DCLRE1C: variants seen among roughly 807,000 people sequenced by gnomAD.
The protein encoded by DCLRE1C is protein artemis.
A neutral mutation model predicts 61.4 loss-of-function variants in DCLRE1C; 47 were observed. That is an observed-to-expected ratio of 0.77 (90% CI 0.61 to 0.98). DCLRE1C has a LOEUF of 0.98. Among genes scored for constraint, DCLRE1C ranks in the 50% least tolerant of loss-of-function variants. The pLI, the probability that DCLRE1C is intolerant of heterozygous loss-of-function variation, is 0.00. For missense variants in DCLRE1C, 858 were observed against 816.0 expected, an observed-to-expected ratio of 1.05 and a Z score of -0.63; for synonymous variants, 337 against 287.6, an observed-to-expected ratio of 1.17 and a Z score of -1.74.
chr10:14,911,974 C>T (rs1442242693), intron 13 of DCLRE1C, among the ~76,000 whole-genome samples: 2 of 152,108 alleles, frequency 1.3e-5, no homozygotes, highest in Admixed American at 1.3e-4. Context: ...TTACATATTG[C>T]CGGAGAGAAT....
chr10:14,940,951 C>T (rs1377518120), intron 3 of DCLRE1C, among the ~76,000 whole-genome samples: 1 of 152,240 alleles, frequency 6.6e-6, no homozygotes, highest in Non-Finnish European at 1.5e-5. Context: ...GGCACGATCT[C>T]AGCTTGCTGC....
downstream of DCLRE1C, chr10:14,901,315 A>T: frequency 6.2e-7 from 1 of 1,607,822 alleles, no homozygotes; most frequent in Non-Finnish European, 8.5e-7. Context: ...TGAAGAATCA[A>T]ATCAGACTAG....
rs1213342454 is a variant in DCLRE1C, at chr10:14,905,795, A to G, written c.*2613T>C. On this transcript the variant is annotated 3_prime_UTR_variant, in exon 14 of 14. Transcript: ENST00000378278. ...AGGTCAGGAGTTCAAGACCAGTCTG[A>G]CCAATATGGTGAAACCCTGTCTCTA... Among the ~76,000 whole-genome samples the G allele has an allele frequency of 6.6e-6, 1 of 152,056 alleles. No homozygotes were observed. Among genetic ancestry groups the G allele is most frequent in the Non-Finnish European group, 1.5e-5 (1 of 68,004 alleles).
At chr10:14,925,225 TA>T (rs67477083) in intron 11 of DCLRE1C, among the ~76,000 whole-genome samples, 2,573 of 109,236 alleles carry the variant, frequency 0.024, 67 homozygotes, top group African/African-American at 0.082. Context: ...ATAAAGGATT[TA>T]AAAAAAAAAA....
chr10:14,954,225 C>T (rs1429400222), upstream of DCLRE1C: 1 of 706,004 alleles, frequency 1.4e-6, no homozygotes, highest in East Asian at 2.7e-5. Flanking sequence ...AAATCACCCG[C>T]GCTTCGCTGC....
chr10:14,928,660 C>T (rs559148588), intron 9 of DCLRE1C, among the ~76,000 whole-genome samples: 1 of 152,140 alleles, frequency 6.6e-6, no homozygotes, highest in Non-Finnish European at 1.5e-5. Context: ...TTTGGGGTGA[C>T]GTACCATGGA....
intron 9 of DCLRE1C, among the ~76,000 whole-genome samples, chr10:14,929,361 G>A (rs1334940174): frequency 2.6e-5 from 4 of 151,338 alleles, no homozygotes; most frequent in East Asian, 3.9e-4. Flanking sequence ...CCCAGATTGC[G>A]CCACTGCACT....
chr10:14,937,823 G>A (rs1304948835), intron 4 of DCLRE1C, among the ~76,000 whole-genome samples: 4 of 151,286 alleles, frequency 2.6e-5, no homozygotes, highest in Admixed American at 2.0e-4. Flanking sequence ...GAAACCAGGA[G>A]GTAGAGGTTG....
chr10:14,908,674 A>C lies in DCLRE1C; in HGVS notation c.1813T>G (p.Leu605Val), dbSNP rs1431035504. 2 of 1,614,038 alleles carry C rather than the reference A, an allele frequency of 1.2e-6. No homozygotes were observed. Among genetic ancestry groups the C allele is most frequent in the East Asian group, 2.2e-5 (1 of 44,880 alleles). Residue 605 changes from leucine (L) to valine (V), a missense_variant, in exon 14 of 14, where the codon TTG becomes GTG. Transcript: ENST00000378278. ...VICPKDTYSD[L>V]KSRDKDVTIV... ...GTCACATCTTTATCTCTGCTTTTCA[A>C]ATCAGAGTAAGTATCCTTTGGGCAA... is the stretch of plus-strand genomic sequence containing the variant.
chr10:14,909,734 G>C (rs1834933660), intron 13 of DCLRE1C, among the ~76,000 whole-genome samples: 1 of 152,176 alleles, frequency 6.6e-6, no homozygotes, highest in African/African-American at 2.4e-5. Context: ...TGCAAAGCCT[G>C]TGTGCTCTGC....
chr10:14,950,930 G>A (rs1367007902), intron 1 of DCLRE1C, among the ~76,000 whole-genome samples: 1 of 152,170 alleles, frequency 6.6e-6, no homozygotes, highest in African/African-American at 2.4e-5. Context: ...CCAACCCTGG[G>A]CCACTATCTC....
intron 9 of DCLRE1C, among the ~76,000 whole-genome samples, chr10:14,929,816 T>C (rs1446621927): frequency 6.6e-6 from 1 of 152,156 alleles, no homozygotes; most frequent in Non-Finnish European, 1.5e-5. Flanking sequence ...CAAATTTCTT[T>C]GGGGTGCCTT....
At chr10:14,936,638 A>G (rs1434333010) in intron 4 of DCLRE1C, 45 bp from the exon 5 acceptor site, 2 of 1,389,024 alleles carry the variant, frequency 1.4e-6, no homozygotes, top group South Asian at 1.2e-5. Context: ...AGCAGTTATC[A>G]TTAGGACCTA....
intron 4 of DCLRE1C, among the ~76,000 whole-genome samples, chr10:14,937,627 A>G (rs970363427): frequency 3.3e-5 from 5 of 151,984 alleles, no homozygotes; most frequent in African/African-American, 1.2e-4. Context: ...GCGGTGGCTC[A>G]TGCCTGTAAT....
At chr10:14,914,046 G>C (rs1345093127) in intron 13 of DCLRE1C, among the ~76,000 whole-genome samples, 3 of 152,152 alleles carry the variant, frequency 2.0e-5, no homozygotes, top group African/African-American at 7.2e-5. Flanking sequence ...ACTTAAACCT[G>C]ACCATATCAA....
At chr10:14,913,743 A>G (rs1246020397) in intron 13 of DCLRE1C, among the ~76,000 whole-genome samples, 1 of 152,224 alleles carries the variant, frequency 6.6e-6, no homozygotes, top group East Asian at 1.9e-4. Context: ...GGTATAAGTA[A>G]TCCAGAGATG....
Position 14,908,712 on chromosome 10 carries a change from TC to T in DCLRE1C, c.1774del (p.Glu592AsnfsTer4). On this transcript the variant is annotated frameshift_variant, in exon 14 of 14. Transcript: ENST00000378278. LOFTEE classifies it low-confidence loss of function (END_TRUNC). ...IKENIPASLM[E>X]QNVICPKDTY... ...ATCCTTTGGGCAAATTACATTTTGT[TC>T]CATGAGAGAGGCAGGAATATTCTCT... The T allele has an allele frequency of 1.9e-6, 3 of 1,614,250 alleles. No individual in the cohort carries two copies. Among genetic ancestry groups the T allele is most frequent in the Non-Finnish European group, 2.5e-6 (3 of 1,180,044 alleles).
intron 6 of DCLRE1C, 92 bp from the exon 7 acceptor site, chr10:14,934,867 G>A: frequency 1.1e-6 from 1 of 909,166 alleles, no homozygotes; most frequent in East Asian, 2.5e-5. Context: ...TCGCTCTGTT[G>A]CCCAGGCTGA....
At chr10:14,954,223 C>T, upstream of DCLRE1C, 1 of 724,196 alleles carries the variant, frequency 1.4e-6, no homozygotes, top group Non-Finnish European at 2.3e-6. Flanking sequence ...TTAAATCACC[C>T]GCGCTTCGCT....
Sources: gnomAD v4.1 joint callset for allele counts (sites outside exome capture counted in the v4.1 genomes callset) on GRCh38, gnomAD v4.1.1 for gene constraint, MANE v1.5 for transcripts, NCBI Gene and HGNC (gene_info 2026-07-23, HGNC 2026-07-21) for gene names.